ZG16B: variants seen among roughly 807,000 people sequenced by gnomAD.
ZG16B encodes zymogen granule protein 16B.
A neutral mutation model predicts 7.0 loss-of-function variants in ZG16B; 8 were observed. That is an observed-to-expected ratio of 1.15 (90% CI 0.68 to 2.08). The LOEUF (loss-of-function observed/expected upper bound fraction) is 2.08, where lower values mean the gene tolerates loss of function less well. Ranked by LOEUF, ZG16B falls within the 30% of genes most tolerant of loss-of-function variation. The pLI, the probability that ZG16B is intolerant of heterozygous loss-of-function variation, is 0.00. For missense variants in ZG16B, 232 were observed against 211.0 expected, an observed-to-expected ratio of 1.10 and a Z score of -0.62; for synonymous variants, 92 against 86.1, an observed-to-expected ratio of 1.07 and a Z score of -0.38.
intron 1 of ZG16B, 27 bp downstream of exon 1, chr16:2,830,355 GC>G: frequency 6.2e-7 from 1 of 1,610,298 alleles, no homozygotes; most frequent in South Asian, 1.1e-5. Context: ...CATGGGTGGG[GC>G]CCGGCAAGGT....
Position 2,830,523 on chromosome 16 carries a change from C to T in ZG16B, c.52+30C>T, listed in dbSNP as rs1160281570. 5 of 1,591,226 alleles carry T rather than the reference C, an allele frequency of 3.1e-6. No homozygotes were observed. In the African/African-American group the frequency reaches 5.4e-5, roughly 17 times the overall value. On this transcript the variant is annotated intron_variant, in intron 2 of 3. Coordinates refer to ENST00000382280, the MANE Select transcript of ZG16B (RefSeq NM_145252.3). ...GTCAGTGGGGTCTGCCCTCAATCTCCCCTGCCTCCCTCCAGGAGAGCCAGG... is the reference window on the plus strand; with the variant it reads ...GTCAGTGGGGTCTGCCCTCAATCTCTCCTGCCTCCCTCCAGGAGAGCCAGG...
At chr16:2,831,100 C>A in intron 3 of ZG16B, 1 of 334,864 alleles carries the variant, frequency 3.0e-6, no homozygotes, top group Non-Finnish European at 5.7e-6. Flanking sequence ...AGGTAAGGGT[C>A]AGAGTGGACC....
At chr16:2,831,476 G>A (rs771607481) in intron 3 of ZG16B, among the ~76,000 whole-genome samples, 7 of 152,184 alleles carry the variant, frequency 4.6e-5, no homozygotes, top group Non-Finnish European at 8.8e-5. Flanking sequence ...CCACAGTGAC[G>A]GCAGCTGGTG....
chr16:2,830,325 C>T lies in ZG16B; in HGVS notation c.-31C>T, dbSNP rs769634824. ...GCACAACCAGACGCCCAGTCACAGG[C>T]GAGGTAAGGTGCTTGGCTCCATGGG... is the stretch of plus-strand genomic sequence containing the variant. On this transcript the variant is annotated 5_prime_UTR_variant, in exon 1 of 4. Transcript: ENST00000382280. The T allele has an allele frequency of 1.2e-4, 186 of 1,613,056 alleles. 1 individual carries two copies. The highest frequency in any genetic ancestry group is 9.9e-4 in the Middle Eastern group (6 of 6,080).
At chr16:2,831,505 C>T (rs1194235987) in intron 3 of ZG16B, among the ~76,000 whole-genome samples, 1 of 152,188 alleles carries the variant, frequency 6.6e-6, no homozygotes, top group Non-Finnish European at 1.5e-5. Flanking sequence ...GTCACGGAGA[C>T]CTGGCGCTGC....
At position 2,830,433 on chromosome 16, in the gene ZG16B, C is replaced by A. The variant is rs1282432606; in HGVS notation, c.-9C>A. The A allele has an allele frequency of 1.2e-6, 2 of 1,604,700 alleles. No homozygotes were observed. Among genetic ancestry groups the A allele is most frequent in the Non-Finnish European group, 8.5e-7 (1 of 1,175,738 alleles). On this transcript the variant is annotated 5_prime_UTR_variant, in exon 2 of 4. Coordinates refer to ENST00000382280, the MANE Select transcript of ZG16B (RefSeq NM_145252.3). ...CCCACAGAGCCCTGGGATGCACCGG[C>A]CAGAGGCCATGCTGCTGCTGCTCAC...
intron 2 of ZG16B, 42 bp downstream of exon 2, chr16:2,830,535 C>T: frequency 6.3e-7 from 1 of 1,586,696 alleles, no homozygotes; most frequent in Non-Finnish European, 8.6e-7. Flanking sequence ...CTGCCTCCCT[C>T]CAGGAGAGCC....
Position 2,830,417 on chromosome 16 carries a change from C to CCTCTCTTCTT in ZG16B, c.-24_-23insTCTCTTCTTC, listed in dbSNP as rs751780646. The CCTCTCTTCTT allele has an allele frequency of 6.2e-7, 1 of 1,603,808 alleles. No homozygotes were observed. Among genetic ancestry groups the CCTCTCTTCTT allele is most frequent in the South Asian group, 1.1e-5 (1 of 89,642 alleles). On this transcript the variant is annotated 5_prime_UTR_variant, in exon 2 of 4. Coordinates refer to ENST00000382280, the MANE Select transcript of ZG16B (RefSeq NM_145252.3). ...GGAGGCCTCTCTTCTTCCCACAGAG[C>CCTCTCTTCTT]CCTGGGATGCACCGGCCAGAGGCCA...
intron 3 of ZG16B, chr16:2,831,196 G>T (rs1255063045): frequency 4.6e-5 from 9 of 197,714 alleles, no homozygotes; most frequent in Non-Finnish European, 7.3e-5. Context: ...CTGGAGGTCT[G>T]GGATGGATTT....
At chr16:2,830,559 G>A (rs939796535) in intron 2 of ZG16B, 66 bp downstream of exon 2, 25 of 1,582,786 alleles carry the variant, frequency 1.6e-5, no homozygotes, top group Admixed American at 1.6e-4. Context: ...GACTCACCCG[G>A]CCCTTGTCCC....
At position 2,831,844 on chromosome 16, in the gene ZG16B, A is replaced by G. The variant is rs918737395; in HGVS notation, c.204A>G (p.Leu68=). The part of the protein sequence containing the change: ...GDSWDVKLGA[L]GGNTQEVTLQ... ...CCTGGGACGTGAAACTGGGAGCCTT[A>G]GGTGGGAATACCCAGGAAGTCACCC... Residue 68 remains leucine, a synonymous_variant, in exon 4 of 4, where the codon TTA becomes TTG. Transcript: ENST00000382280. The G allele has an allele frequency of 5.6e-6, 9 of 1,614,014 alleles. No homozygotes were observed. In the South Asian group the frequency reaches 8.8e-5, roughly 16 times the overall value.
intron 3 of ZG16B, 191 bp downstream of exon 3, chr16:2,830,987 C>A: frequency 3.4e-6 from 2 of 581,482 alleles, no homozygotes; most frequent in South Asian, 4.1e-5. Context: ...CCTACCTTCT[C>A]CCTTCAACCC....
Position 2,830,402 on chromosome 16 carries a change from C to T in ZG16B, c.-27-13C>T, listed in dbSNP as rs1170631603. 1.2e-6 allele frequency: 2 copies of T among 1,604,758 alleles called. No individual in the cohort carries two copies. The highest frequency in any genetic ancestry group is 8.5e-7 in the Non-Finnish European group (1 of 1,175,688). Reference sequence around the variant, plus strand: ...CTTGCTTTGGAGTCAGGAGGCCTCTCTTCTTCCCACAGAGCCCTGGGATGC... The same window carrying T: ...CTTGCTTTGGAGTCAGGAGGCCTCTTTTCTTCCCACAGAGCCCTGGGATGC... On this transcript the variant is annotated splice_polypyrimidine_tract_variant and intron_variant, in intron 1 of 3. Transcript: ENST00000382280.
Position 2,830,761 on chromosome 16 carries a change from G to T in ZG16B, c.120G>T (p.Gly40=), listed in dbSNP as rs926406064. ...AAGACTACGACCATGAAATCACAGG[G>T]CTGCGGGTGTCTGTAGGTCTTCTCC... ...TTEDYDHEIT[G]LRVSVGLLLV... The change falls in exon 3 of 4, where the codon GGG becomes GGT. Residue 40 remains glycine (G), a synonymous_variant. Coordinates refer to ENST00000382280, the MANE Select transcript of ZG16B (RefSeq NM_145252.3). 8 of 1,614,198 alleles carry T rather than the reference G, an allele frequency of 5.0e-6. No individual in the cohort carries two copies. The highest frequency in any genetic ancestry group is 1.7e-4 in the Middle Eastern group (1 of 6,050).
In ZG16B at chr16:2,830,321, C is replaced by T. The variant is rs747905046; in HGVS notation, c.-35C>T. On this transcript the variant is annotated 5_prime_UTR_variant, in exon 1 of 4. Transcript: ENST00000382280. Reference sequence around the variant, plus strand: ...CCCGGCACAACCAGACGCCCAGTCACAGGCGAGGTAAGGTGCTTGGCTCCA... The same window carrying T: ...CCCGGCACAACCAGACGCCCAGTCATAGGCGAGGTAAGGTGCTTGGCTCCA... 13 of 1,613,230 alleles carry T rather than the reference C, an allele frequency of 8.1e-6. No homozygotes were observed. The highest frequency in any genetic ancestry group is 1.1e-5 in the Non-Finnish European group (13 of 1,179,700).
chr16:2,830,350 G>A (rs368417788), intron 1 of ZG16B, 22 bp downstream of exon 1: 9 of 1,611,026 alleles, frequency 5.6e-6, no homozygotes, highest in South Asian at 1.1e-5. Flanking sequence ...GGCTCCATGG[G>A]TGGGGCCCGG....
chr16:2,830,918 A>G (rs1268940534), intron 3 of ZG16B, 122 bp downstream of exon 3: 1 of 955,436 alleles, frequency 1.0e-6, no homozygotes, highest in African/African-American at 1.6e-5. Flanking sequence ...GCTACTGTCG[A>G]TGCTTCCTGG....
chr16:2,831,981 G>T lies in ZG16B; in HGVS notation c.341G>T (p.Gly114Val). 1 of 1,614,154 alleles carries T rather than the reference G, an allele frequency of 6.2e-7. No homozygotes were observed. Among genetic ancestry groups the T allele is most frequent in the Non-Finnish European group, 8.5e-7 (1 of 1,180,036 alleles). ...TATTTCTATTTTGGGAAGCTTGATG[G>T]CCAGATCTCCTCTGCCTACCCCAGC... ...DRYFYFGKLD[G>V]QISSAYPSQE... Residue 114 changes from glycine (G) to valine (V), a missense_variant, in exon 4 of 4, where the codon GGC (glycine) becomes GTC (valine). By Grantham distance (109) the Gly-to-Val change is moderately radical. Transcript: ENST00000382280.
chr16:2,830,744 G>C lies in ZG16B; in HGVS notation c.103G>C (p.Asp35His). 2 of 1,614,130 alleles carry C rather than the reference G, an allele frequency of 1.2e-6. No homozygotes were observed. The highest frequency in any genetic ancestry group is 1.7e-6 in the Non-Finnish European group (2 of 1,180,014). Residue 35 changes from aspartate to histidine, a missense_variant, in exon 3 of 4, where the codon GAC (aspartate) becomes CAC (histidine). Coordinates refer to ENST00000382280, the MANE Select transcript of ZG16B (RefSeq NM_145252.3). ...GTATTTCAGCACCACTGAAGACTAC[G>C]ACCATGAAATCACAGGGCTGCGGGT... Reference protein sequence around the residue: ...GKYFSTTEDYDHEITGLRVSV... With the variant: ...GKYFSTTEDYHHEITGLRVSV...
Sources: allele counts gnomAD v4.1 joint callset (sites outside exome capture counted in the v4.1 genomes callset), GRCh38; gene constraint gnomAD v4.1.1; transcripts MANE v1.5; gene names NCBI Gene and HGNC (gene_info 2026-07-23, HGNC 2026-07-21).